The following NANS variants were observed in gnomAD, a reference collection of about 807,000 sequenced individuals.
The protein encoded by NANS is N-acetylneuraminate-9-phosphate synthase.
A neutral mutation model predicts 33.3 loss-of-function variants in NANS; 29 were observed. The ratio of observed to expected loss-of-function variants is 0.87; its 90% CI spans 0.65 to 1.19. NANS has a LOEUF of 1.19. NANS is among the 50% of genes most tolerant of loss of function. The probability of loss-of-function intolerance (pLI) is 0.00; values close to 1 mark genes in which losing one functional copy is unlikely to be tolerated. For missense variants in NANS, 394 were observed against 461.1 expected (o/e 0.85, Z 1.33); for synonymous variants, 163 against 177.2 (o/e 0.92, Z 0.64).
intron 4 of NANS, among the ~76,000 whole-genome samples, chr9:98,080,389 G>A (rs1284097885): frequency 6.6e-6 from 1 of 152,196 alleles, no homozygotes; most frequent in African/African-American, 2.4e-5. Context: ...CCAAAGGATT[G>A]TTTTGAGATT....
intron 2 of NANS, among the ~76,000 whole-genome samples, chr9:98,073,686 CT>C (rs1334223934): frequency 6.6e-6 from 1 of 152,162 alleles, no homozygotes; most frequent in African/African-American, 2.4e-5. Flanking sequence ...TTCCTTACCC[CT>C]GACTCAGATC....
At chr9:98,081,362 C>T (rs1647222341) in intron 5 of NANS, 3 of 455,644 alleles carry the variant, frequency 6.6e-6, no homozygotes, top group Non-Finnish European at 7.9e-6. Context: ...AAGCCCATGG[C>T]CCCAGTACTC....
At chr9:98,072,084 G>C (rs1373571571) in intron 2 of NANS, among the ~76,000 whole-genome samples, 1 of 152,178 alleles carries the variant, frequency 6.6e-6, no homozygotes, top group Non-Finnish European at 1.5e-5. Flanking sequence ...TTTAGAGTCA[G>C]GCTCTCTGAG....
intron 4 of NANS, 23 bp downstream of exon 4, chr9:98,078,370 CCTT>C: frequency 6.2e-7 from 1 of 1,606,602 alleles, no homozygotes; most frequent in African/African-American, 1.3e-5. Flanking sequence ...GAGGGGGTTC[CCTT>C]CTTGGGCCAT....
intron 2 of NANS, among the ~76,000 whole-genome samples, chr9:98,066,393 G>A (rs1440574575): frequency 6.6e-6 from 1 of 152,164 alleles, no homozygotes; most frequent in East Asian, 1.9e-4. Context: ...GGTGATGTGT[G>A]ATGACATCAT....
intron 2 of NANS, among the ~76,000 whole-genome samples, chr9:98,071,038 CTG>C (rs1469548453): frequency 1.3e-5 from 2 of 152,154 alleles, no homozygotes; most frequent in Non-Finnish European, 2.9e-5. Flanking sequence ...GTCTTAAACT[CTG>C]GGCCTCAAAC....
chr9:98,060,654 G>T (rs1426368402), intron 1 of NANS, 128 bp from the exon 2 acceptor site: 2 of 921,782 alleles, frequency 2.2e-6, no homozygotes, highest in Non-Finnish European at 3.4e-6. Flanking sequence ...CTGGGTGAAA[G>T]AGCGAAACTC....
chr9:98,057,817 G>T (rs1268899415), intron 1 of NANS, among the ~76,000 whole-genome samples: 2 of 147,014 alleles, frequency 1.4e-5, no homozygotes, highest in African/African-American at 5.0e-5. Context: ...ATTTGTGATA[G>T]GTTTTTTAAA....
At position 98,061,342 on chromosome 9, in the gene NANS, T is replaced by C. The variant is rs540037443; in HGVS notation, c.348+345T>C. ...AAATACAAAAATTAGCTGGGCATGG[T>C]GGTGCGTGCCTGTAATCCCAGTTAC... On this transcript the variant is annotated intron_variant, in intron 2 of 5. Transcript: ENST00000210444. 6.3e-4 allele frequency: 163 copies of C among 259,866 alleles called. 1 individual carries two copies. Among genetic ancestry groups the C allele is most frequent in the South Asian group, 2.7e-3 (54 of 20,374 alleles). The allele number at this position is 259,866 out of a possible 1,614,324, so 16.1% of individuals were successfully genotyped here. A position where few individuals can be genotyped will look rare whatever the true frequency, so the allele number is the denominator to read the frequency against.
intron 5 of NANS, chr9:98,082,208 C>T (rs1829897225): frequency 1.3e-5 from 2 of 152,246 alleles, no homozygotes; most frequent in Admixed American, 6.5e-5. Context: ...CCTTTTCTTG[C>T]CATCTGCATA....
At chr9:98,071,212 T>C (rs1182650702) in intron 2 of NANS, among the ~76,000 whole-genome samples, 1 of 152,208 alleles carries the variant, frequency 6.6e-6, no homozygotes, top group Non-Finnish European at 1.5e-5. Context: ...CCTGGCTATA[T>C]GATGGCACGA....
Position 98,077,005 on chromosome 9 carries a change from A to AC in NANS, c.437dup (p.Ala147SerfsTer47). Reference sequence around the variant, plus strand: ...TAATAATTTTCCTTATCTGGAAAAGACAGCCAAAAAAGGTAAGTGTCTAAT... The same window carrying AC: ...TAATAATTTTCCTTATCTGGAAAAGACCAGCCAAAAAAGGTAAGTGTCTAAT... On this transcript the variant is annotated frameshift_variant, in exon 3 of 6. Transcript: ENST00000210444. LOFTEE classifies it high-confidence loss of function. 6.2e-7 allele frequency: 1 copy of AC among 1,607,700 alleles called. No individual in the cohort carries two copies. The highest frequency in any genetic ancestry group is 1.3e-5 in the African/African-American group (1 of 74,782).
intron 1 of NANS, 37 bp from the exon 2 acceptor site, chr9:98,060,745 C>T (rs752006006): frequency 1.8e-5 from 29 of 1,598,712 alleles, no homozygotes; most frequent in African/African-American, 6.7e-5. Flanking sequence ...TGAGAATCTA[C>T]GACAGTCACT....
intron 1 of NANS, 146 bp from the exon 2 acceptor site, chr9:98,060,636 A>T: frequency 2.6e-6 from 2 of 760,450 alleles, no homozygotes; most frequent in Non-Finnish European, 4.3e-6. Flanking sequence ...CACCTTCTGC[A>T]CTCCAGCCTG....
chr9:98,072,451 G>A lies in NANS; in HGVS notation c.349-4467G>A, dbSNP rs368442762. Among the ~76,000 whole-genome samples, 136 of 150,382 alleles carry A rather than the reference G, an allele frequency of 9.0e-4. 1 individual carries two copies. Among genetic ancestry groups the A allele is most frequent in the African/African-American group, 3.1e-3 (128 of 40,824 alleles). On this transcript the variant is annotated intron_variant, in intron 2 of 5. Transcript: ENST00000210444. The stretch of plus-strand genomic sequence containing the variant: ...TTTTGAGACGGAGTCTCGCTGTGTC[G>A]CCCAAGCTGGAGTGCAGTTGCGCAA...
rs148364285 is a variant in NANS at position 98,066,423 on chromosome 9, C to G, written c.348+5426C>G. 8.5e-5 allele frequency among the ~76,000 whole-genome samples: 13 copies of G among 152,280 alleles called. 1 individual carries two copies. The highest frequency in any genetic ancestry group is 2.6e-4 in the African/African-American group (11 of 41,554). On this transcript the variant is annotated intron_variant, in intron 2 of 5. Coordinates refer to ENST00000210444, the MANE Select transcript of NANS (RefSeq NM_018946.4). ...CATCATTCCTCTGGCAGCGGCTCAC[C>G]TAATGGAAGGTGTGTTGTGTGTCTT... is the stretch of plus-strand genomic sequence containing the variant.
At chr9:98,059,019 A>G (rs74760692) in intron 1 of NANS, among the ~76,000 whole-genome samples, 5 of 151,622 alleles carry the variant, frequency 3.3e-5, no homozygotes, top group Non-Finnish European at 2.9e-5. Flanking sequence ...TCTGGACCCA[A>G]GAAGTTTTTA....
At chr9:98,057,921 G>GTTTTTTTTT (rs1491129722) in intron 1 of NANS, among the ~76,000 whole-genome samples, 1 of 87,474 alleles carries the variant, frequency 1.1e-5, no homozygotes, top group Admixed American at 1.3e-4. Flanking sequence ...TTTTTTTCCT[G>GTTTTTTTTT]GTTTTTTTTT....
chr9:98,076,979 C>G lies in NANS; in HGVS notation c.410C>G (p.Thr137Ser). The change falls in exon 3 of 6, where the codon ACT becomes AGT. Residue 137 changes from threonine (T) to serine (S), a missense_variant. Physicochemically the swap from Thr to Ser is moderately conservative, Grantham distance 58 (BLOSUM62 1). Transcript: ENST00000210444. The stretch of plus-strand genomic sequence containing the variant: ...TTTTTCAAAGTTGGATCTGGAGACA[C>G]TAATAATTTTCCTTATCTGGAAAAG... ...VPFFKVGSGD[T>S]NNFPYLEKTA... 6.2e-7 allele frequency: 1 copy of G among 1,611,036 alleles called. No homozygotes were observed.
Sources: allele counts gnomAD v4.1 joint callset (sites outside exome capture counted in the v4.1 genomes callset), GRCh38; gene constraint gnomAD v4.1.1; transcripts MANE v1.5; gene names NCBI Gene and HGNC (gene_info 2026-07-23, HGNC 2026-07-21).